SUZ12: variants seen among roughly 807,000 people sequenced by gnomAD.
SUZ12 encodes polycomb protein SUZ12.
A neutral mutation model predicts 87.3 loss-of-function variants in SUZ12; 17 were observed. That is an observed-to-expected ratio of 0.19 (90% confidence interval 0.13 to 0.29). SUZ12 has a LOEUF of 0.29. SUZ12 is among the 10% of genes least tolerant of loss of function. The probability of loss-of-function intolerance (pLI) is 1.00; values close to 1 mark genes in which losing one functional copy is unlikely to be tolerated. For missense variants in SUZ12, 526 were observed against 912.2 expected (o/e 0.58, Z 5.45); for synonymous variants, 253 against 312.4 (o/e 0.81, Z 2.01).
intron 3 of SUZ12, among the ~76,000 whole-genome samples, chr17:31,942,270 T>G (rs1410013277): frequency 6.6e-6 from 1 of 152,218 alleles, no homozygotes; most frequent in Non-Finnish European, 1.5e-5. Context: ...ATGTGTAATT[T>G]GAATTAGGTC....
chr17:31,941,450 T>A (rs1453029321), intron 3 of SUZ12, among the ~76,000 whole-genome samples: 1 of 151,908 alleles, frequency 6.6e-6, no homozygotes, highest in South Asian at 2.1e-4. Flanking sequence ...AGAGACAAGG[T>A]TTCCCCATGT....
intron 1 of SUZ12, 105 bp downstream of exon 1, chr17:31,937,625 T>G: frequency 7.0e-7 from 1 of 1,431,856 alleles, no homozygotes; most frequent in Non-Finnish European, 9.3e-7. Flanking sequence ...ACTTGTGTGG[T>G]AGTGGAGGGA....
intron 4 of SUZ12, among the ~76,000 whole-genome samples, chr17:31,956,037 T>C (rs1216545185): frequency 1.3e-5 from 2 of 151,896 alleles, no homozygotes; most frequent in African/African-American, 2.4e-5. Context: ...CTCAGCCTCC[T>C]GAGTAGCTAG....
At position 31,937,066 on chromosome 17, in the gene SUZ12, C is replaced by CT. The variant is rs1302215893; in HGVS notation, c.-172dup. On this transcript the variant is annotated 5_prime_UTR_variant, in exon 1 of 16. Coordinates refer to ENST00000322652, the MANE Select transcript of SUZ12 (RefSeq NM_015355.4). ...AGCGGAGCGGGGCTCTGAGGAGACA[C>CT]TTTTTTTTTCCTCCCTCCTTCCCTC... 6.1e-4 allele frequency: 309 copies of CT among 504,936 alleles called. No homozygotes were observed. The highest frequency in any genetic ancestry group is 1.1e-3 in the East Asian group (31 of 27,772). 31.3% of individuals were successfully genotyped at this position (504,936 alleles called of 1,614,324 possible).
rs1277837393 is a variant in SUZ12 at position 32,000,885 on chromosome 17, A to G, written c.*1882A>G. 1 of 222,082 alleles carries G rather than the reference A, an allele frequency of 4.5e-6. No individual in the cohort carries two copies. The highest frequency in any genetic ancestry group is 9.0e-6 in the Non-Finnish European group (1 of 110,996). 13.8% of individuals were successfully genotyped at this position (222,082 alleles called of 1,614,324 possible). A position where few individuals can be genotyped will look rare whatever the true frequency, so the allele number is the denominator to read the frequency against. On this transcript the variant is annotated 3_prime_UTR_variant, in exon 16 of 16. Transcript: ENST00000322652. Reference sequence around the variant, plus strand: ...GTGCTTTTCTATATGTACCCTTGATAACAGATTTTGAAGAAATCCTGTAAG... The same window carrying G: ...GTGCTTTTCTATATGTACCCTTGATGACAGATTTTGAAGAAATCCTGTAAG...
intron 4 of SUZ12, among the ~76,000 whole-genome samples, chr17:31,954,060 T>C (rs187100340): frequency 6.6e-6 from 1 of 151,600 alleles, no homozygotes; most frequent in African/African-American, 2.4e-5. Flanking sequence ...TTTTTGACTA[T>C]TTATTTATTT....
intron 11 of SUZ12, 125 bp downstream of exon 11, chr17:31,993,458 T>C: frequency 1.4e-6 from 1 of 736,754 alleles, no homozygotes; most frequent in Admixed American, 3.3e-5. Flanking sequence ...ATCTCACTTT[T>C]TTGCCCAGGC....
intron 5 of SUZ12, among the ~76,000 whole-genome samples, chr17:31,970,803 CA>C (rs56038616): frequency 0.12 from 16,115 of 137,750 alleles, 1,035 homozygotes; most frequent in Middle Eastern, 0.16. Context: ...CTCTCTCTCT[CA>C]AAAAAAAAAA....
chr17:31,968,257 T>G (rs1321964842), intron 5 of SUZ12, among the ~76,000 whole-genome samples: 1 of 152,108 alleles, frequency 6.6e-6, no homozygotes, highest in African/African-American at 2.4e-5. Context: ...GGGGGTTGTT[T>G]GTTTGTTTAG....
intron 4 of SUZ12, among the ~76,000 whole-genome samples, chr17:31,950,623 G>A (rs1341731634): frequency 6.6e-6 from 1 of 152,136 alleles, no homozygotes; most frequent in Non-Finnish European, 1.5e-5. Context: ...GGCAGAGGTT[G>A]CAGTGAACTA....
chr17:31,941,716 A>AT (rs1906299489), intron 3 of SUZ12, among the ~76,000 whole-genome samples: 1 of 150,674 alleles, frequency 6.6e-6, no homozygotes, highest in Admixed American at 6.6e-5. Context: ...TGCTCGGCTA[A>AT]TTTTTTGTAT....
intron 4 of SUZ12, among the ~76,000 whole-genome samples, chr17:31,951,892 A>C (rs954095735): frequency 2.0e-5 from 3 of 149,960 alleles, no homozygotes; most frequent in South Asian, 2.1e-4. Context: ...CTCCTGCCGC[A>C]GCCTCCCTAG....
intron 8 of SUZ12, among the ~76,000 whole-genome samples, chr17:31,980,744 C>T (rs552982128): frequency 2.0e-5 from 3 of 151,216 alleles, no homozygotes; most frequent in East Asian, 1.9e-4. Flanking sequence ...CACTGCGCCC[C>T]GGCCTACCTT....
At position 31,999,447 on chromosome 17, in the gene SUZ12, A is replaced by G. The variant is rs1910148542; in HGVS notation, c.*444A>G. The G allele has an allele frequency of 4.3e-6, 1 of 231,742 alleles. No individual in the cohort carries two copies. The highest frequency in any genetic ancestry group is 8.5e-6 in the Non-Finnish European group (1 of 117,268). The allele number at this position is 231,742 out of a possible 1,614,324, so 14.4% of individuals were successfully genotyped here. ...AGTGGTCTTCATATGTCAACTACAG[A>G]AAAGGAAAAAAATAGAAATTGAAGG... On this transcript the variant is annotated 3_prime_UTR_variant, in exon 16 of 16. Transcript: ENST00000322652.
intron 5 of SUZ12, chr17:31,967,595 T>A (rs1412936671): frequency 6.6e-6 from 1 of 151,810 alleles, no homozygotes; most frequent in Non-Finnish European, 1.5e-5. Flanking sequence ...AAAAAGAAAA[T>A]GAGTCCTGGC....
chr17:31,994,058 C>T, intron 12 of SUZ12, 50 bp downstream of exon 12: 1 of 1,565,834 alleles, frequency 6.4e-7, no homozygotes, highest in Non-Finnish European at 8.7e-7. Context: ...ATCTCTTGTA[C>T]CCCATAAATA....
intron 8 of SUZ12, among the ~76,000 whole-genome samples, chr17:31,977,979 T>C (rs191231082): frequency 6.6e-6 from 1 of 152,326 alleles, no homozygotes; most frequent in African/African-American, 2.4e-5. Context: ...TTATTAAATA[T>C]TTCTGCAATT....
In SUZ12 at chr17:31,994,724, A is replaced by G. The variant is rs762351470; in HGVS notation, c.1595+3A>G. On this transcript the variant is annotated splice_donor_region_variant and intron_variant, in intron 13 of 15. Transcript: ENST00000322652. ...ATCACACATATTCTTGTGTGCAGGT[A>G]GGTAAAAAGGGCATATAAGAAAAGT... 23 of 1,611,722 alleles carry G rather than the reference A, an allele frequency of 1.4e-5. No individual in the cohort carries two copies. In the East Asian group the frequency reaches 4.2e-4, roughly 30 times the overall value.
intron 12 of SUZ12, 119 bp downstream of exon 12, chr17:31,994,127 A>G (rs1909856460): frequency 2.1e-6 from 2 of 937,104 alleles, no homozygotes; most frequent in South Asian, 2.0e-5. Context: ...AATATGCATT[A>G]AGTACAAGAT....
Sources: gnomAD v4.1 joint callset for allele counts (sites outside exome capture counted in the v4.1 genomes callset) on GRCh38, gnomAD v4.1.1 for gene constraint, MANE v1.5 for transcripts, NCBI Gene and HGNC (gene_info 2026-07-23, HGNC 2026-07-21) for gene names.